The following ADGRL2 variants were observed in gnomAD, a reference collection of about 807,000 sequenced individuals.
The protein encoded by ADGRL2 is calcium-independent alpha-latrotoxin receptor 2.
In ADGRL2, 44 loss-of-function variants were observed where a neutral mutation model predicts 157.4. That is an observed-to-expected ratio of 0.28 (90% CI 0.22 to 0.36). The LOEUF (loss-of-function observed/expected upper bound fraction) is 0.36. ADGRL2 is among the 10% of genes least tolerant of loss of function. The pLI is 1.00. For synonymous variants in ADGRL2, 585 were observed against 624.7 expected (o/e 0.94, Z 0.95); for missense variants, 1,510 against 1,768.9 (o/e 0.85, Z 2.63).
chr1:81,943,403 G>A lies in ADGRL2; in HGVS notation c.844G>A (p.Ala282Thr), dbSNP rs778439430. 5.6e-6 allele frequency: 9 copies of A among 1,613,612 alleles called. No individual in the cohort carries two copies. Among genetic ancestry groups the A allele is most frequent in the East Asian group, 2.2e-5 (1 of 44,858 alleles). The change falls in exon 6 of 24, where the codon GCC (alanine) becomes ACC (threonine). Residue 282 changes from alanine to threonine, a missense_variant. Coordinates refer to ENST00000686636, the MANE Select transcript of ADGRL2 (RefSeq NM_001366006.2). This position sits in a 1 kb window ranked among gnomAD's most constrained non-coding sequence, Gnocchi z 5.6. ...VDENGLWVIY[A>T]TEQNNGMIVI... ...TGAAAATGGTTTATGGGTCATTTAC[G>A]CCACTGAACAGAACAATGGAATGAT...
At chr1:81,805,423 C>T (rs1259418515) in intron 1 of ADGRL2, among the ~76,000 whole-genome samples, 2 of 151,714 alleles carry the variant, frequency 1.3e-5, no homozygotes, top group African/African-American at 4.8e-5. Context: ...ATAGTTTTAC[C>T]TTAGATGTTT....
chr1:81,775,121 G>T (rs1018801759), intron 2 of ADGRL2, among the ~76,000 whole-genome samples: 2 of 152,030 alleles, frequency 1.3e-5, no homozygotes, highest in Admixed American at 1.3e-4. Context: ...GTTCACCTTG[G>T]AAAAGGAGGA....
intron 1 of ADGRL2, among the ~76,000 whole-genome samples, chr1:81,710,103 T>A (rs1203638889): frequency 6.6e-6 from 1 of 152,154 alleles, no homozygotes; most frequent in Non-Finnish European, 1.5e-5. Context: ...AATTTATTTA[T>A]CACATATTGC....
At chr1:81,772,757 C>A (rs547983250) in intron 2 of ADGRL2, among the ~76,000 whole-genome samples, 290 of 151,926 alleles carry the variant, frequency 1.9e-3, no homozygotes, top group African/African-American at 6.8e-3. Flanking sequence ...AGAATGAGTC[C>A]TTTTTTGTTT....
rs397980625 is a variant in ADGRL2, at chr1:81,318,928, C to CTTTTTTTTTTTT, written c.-302+12438_-302+12449dup. Reference sequence around the variant, plus strand: ...TTTTATCCTCCATCCTCCATCAATTCTTTTTTTTTTTTTTTTTTTTTTTTT... The same window carrying CTTTTTTTTTTTT: ...TTTTATCCTCCATCCTCCATCAATTCTTTTTTTTTTTTTTTTTTTTTTTTTTTTTTTTTTTTT... On this transcript the variant is annotated intron_variant, in intron 1 of 24. Coordinates refer to the ADGRL2 transcript ENST00000370721. 8.7e-5 allele frequency among the ~76,000 whole-genome samples: 4 copies of CTTTTTTTTTTTT among 45,830 alleles called. 1 individual carries two copies. The highest frequency in any genetic ancestry group is 3.8e-4 in the African/African-American group (4 of 10,414). The allele number at this position is 45,830 out of a possible 152,430, so 30.1% of individuals were successfully genotyped here. A position where few individuals can be genotyped will look rare whatever the true frequency, so the allele number is the denominator to read the frequency against.
At chr1:81,502,891 T>G in intron 2 of ADGRL2, 3 of 1,613,438 alleles carry the variant, frequency 1.9e-6, no homozygotes, top group Non-Finnish European at 2.5e-6. Context: ...TGGGCTTGGC[T>G]CCAGCAGTGG....
chr1:81,667,297 C>T (rs1038031305), intron 3 of ADGRL2, among the ~76,000 whole-genome samples: 1 of 152,162 alleles, frequency 6.6e-6, no homozygotes, highest in African/African-American at 2.4e-5. Flanking sequence ...TTATAATTCA[C>T]GTTTGTTTTC....
At chr1:81,335,318 G>T (rs1434176763) in intron 1 of ADGRL2, among the ~76,000 whole-genome samples, 4 of 152,092 alleles carry the variant, frequency 2.6e-5, no homozygotes, top group African/African-American at 4.8e-5. Flanking sequence ...AAATTGGAAA[G>T]CTCAGAATGT....
intron 1 of ADGRL2, among the ~76,000 whole-genome samples, chr1:81,318,928 CTTTTTTTTTTTTTTTT>C (rs397980625): frequency 2.2e-5 from 1 of 45,794 alleles, no homozygotes; most frequent in Non-Finnish European, 3.6e-5. Flanking sequence ...TCCATCAATT[CTTTTTTTTTTTTTTTT>C]TTTTTTTTTT....
intron 2 of ADGRL2, among the ~76,000 whole-genome samples, chr1:81,556,479 A>T (rs995583009): frequency 6.6e-6 from 1 of 151,978 alleles, no homozygotes; most frequent in African/African-American, 2.4e-5. Flanking sequence ...AGCCCAGCCT[A>T]TAATTTTTCC....
chr1:81,523,371 C>T (rs2079370677), intron 2 of ADGRL2, among the ~76,000 whole-genome samples: 1 of 151,908 alleles, frequency 6.6e-6, no homozygotes, highest in Non-Finnish European at 1.5e-5. Context: ...GTTATTAAAA[C>T]ATCCTATAAA....
chr1:81,966,994 A>T (rs572456026), intron 13 of ADGRL2, among the ~76,000 whole-genome samples: 3 of 152,128 alleles, frequency 2.0e-5, no homozygotes, highest in Non-Finnish European at 4.4e-5. Flanking sequence ...AATTTTTTTC[A>T]TTAGTTTACT....
intron 3 of ADGRL2, among the ~76,000 whole-genome samples, chr1:81,644,580 A>C (rs117050023): frequency 1.3e-5 from 2 of 152,192 alleles, no homozygotes; most frequent in Non-Finnish European, 2.9e-5. Flanking sequence ...CACCTCCCCA[A>C]AGAAGATATA....
intron 2 of ADGRL2, among the ~76,000 whole-genome samples, chr1:81,844,906 T>C (rs952556268): frequency 1.3e-5 from 2 of 152,106 alleles, no homozygotes; most frequent in South Asian, 2.1e-4. Context: ...TTCTTAAAAG[T>C]GTTTTTTTTC....
intron 1 of ADGRL2, among the ~76,000 whole-genome samples, chr1:81,383,196 T>C (rs1483032481): frequency 6.6e-6 from 1 of 152,204 alleles, no homozygotes; most frequent in East Asian, 1.9e-4. Context: ...TCTAACGTTA[T>C]TCTAAATGGA....
intron 3 of ADGRL2, among the ~76,000 whole-genome samples, chr1:81,661,644 T>C (rs1465426747): frequency 6.6e-6 from 1 of 152,226 alleles, no homozygotes; most frequent in Non-Finnish European, 1.5e-5. Flanking sequence ...CATTTAAAAC[T>C]GTCTAGATAT....
rs536449995 is a variant in ADGRL2 at position 81,736,138 on chromosome 1, G to A, written c.-142-25673G>A. ...AGCCTGGGCCACAGAGCAAGACCCCGTCTCAAAAAAAAAAAAAAAAAAAGG... is the reference window on the plus strand; with the variant it reads ...AGCCTGGGCCACAGAGCAAGACCCCATCTCAAAAAAAAAAAAAAAAAAAGG... On this transcript the variant is annotated intron_variant, in intron 1 of 20. Coordinates refer to the ADGRL2 transcript ENST00000359929. Among the ~76,000 whole-genome samples the A allele has an allele frequency of 3.9e-4, 43 of 109,096 alleles. 1 individual carries two copies. Among genetic ancestry groups the A allele is most frequent in the East Asian group, 1.9e-3 (8 of 4,156 alleles). The allele number at this position is 109,096 out of a possible 152,430, so 71.6% of individuals were successfully genotyped here.
chr1:81,527,693 T>C (rs116507913), intron 2 of ADGRL2, among the ~76,000 whole-genome samples: 2,192 of 143,306 alleles, frequency 0.015, 66 homozygotes, highest in African/African-American at 0.052. Flanking sequence ...ACCTAGGGGA[T>C]AGAGCAAAAC....
At chr1:81,343,087 C>CTTTTTTTTTTTTTTTTTT (rs764039251) in intron 1 of ADGRL2, among the ~76,000 whole-genome samples, 11 of 127,488 alleles carry the variant, frequency 8.6e-5, no homozygotes, top group African/African-American at 2.6e-4. Context: ...TTTCTTTTTT[C>CTTTTTTTTTTTTTTTTTT]TTTTCTTTTT....
Sources: allele counts gnomAD v4.1 joint callset (sites outside exome capture counted in the v4.1 genomes callset), GRCh38; gene constraint gnomAD v4.1.1; non-coding constraint Gnocchi (gnomAD v3.1); transcripts MANE v1.5; gene names NCBI Gene and HGNC (gene_info 2026-07-23, HGNC 2026-07-21).